HYDIN: variants seen among roughly 807,000 people sequenced by gnomAD.
HYDIN encodes the protein axonemal central pair apparatus protein HYDIN.
HYDIN carries 132 observed loss-of-function variants against 403.9 expected under a neutral mutation model. The ratio of observed to expected loss-of-function variants is 0.33; its 90% CI spans 0.28 to 0.38. The LOEUF (loss-of-function observed/expected upper bound fraction) is 0.38. Ranked by LOEUF, HYDIN falls within the 10% of genes least tolerant of loss-of-function variation. HYDIN has a pLI of 1.00. For synonymous variants in HYDIN, 1,202 were observed against 1,891.7 expected, an observed-to-expected ratio of 0.64 and a Z score of 9.46; for missense variants, 2,827 against 5,009.5, an observed-to-expected ratio of 0.56 and a Z score of 13.15.
chr16:71,202,872 C>T (rs1598020392), intron 1 of HYDIN, among the ~76,000 whole-genome samples: 1 of 152,146 alleles, frequency 6.6e-6, no homozygotes, highest in Non-Finnish European at 1.5e-5. Flanking sequence ...TGGTAAGAAC[C>T]CACTGCCCTC....
intron 18 of HYDIN, among the ~76,000 whole-genome samples, chr16:71,050,700 C>A (rs1209847892): frequency 6.6e-6 from 1 of 151,890 alleles, no homozygotes; most frequent in Non-Finnish European, 1.5e-5. Flanking sequence ...TAAGTTTCCT[C>A]CATGTTTTTT....
intron 47 of HYDIN, among the ~76,000 whole-genome samples, chr16:70,910,013 G>A (rs958804318): frequency 6.6e-6 from 1 of 152,090 alleles, no homozygotes; most frequent in Admixed American, 6.5e-5. Flanking sequence ...TTTATTTATA[G>A]ACATTTTTTC....
At chr16:71,152,414 G>C (rs1040333215) in intron 7 of HYDIN, among the ~76,000 whole-genome samples, 2 of 150,628 alleles carry the variant, frequency 1.3e-5, no homozygotes, top group Non-Finnish European at 3.0e-5. Context: ...TTAGTTACAT[G>C]AATAAGTTCT....
At chr16:71,066,627 A>G in intron 15 of HYDIN, 1 of 266,334 alleles carries the variant, frequency 3.8e-6, no homozygotes, top group South Asian at 4.0e-5. Flanking sequence ...GGATCACATC[A>G]TCATTAGTCG....
At chr16:71,158,006 C>G (rs1567387220) in intron 6 of HYDIN, among the ~76,000 whole-genome samples, 1 of 149,334 alleles carries the variant, frequency 6.7e-6, no homozygotes, top group Admixed American at 6.7e-5. Flanking sequence ...AGGGAAGAGG[C>G]TTCTTCCTTC....
chr16:70,833,097 G>A (rs1223724537), intron 79 of HYDIN, 30 bp from the exon 80 acceptor site: 3 of 1,580,186 alleles, frequency 1.9e-6, no homozygotes, highest in Non-Finnish European at 2.6e-6. Context: ...AAAAGAAAGA[G>A]AGTTTATGGA....
chr16:71,130,470 G>GTTTTTTT (rs56853905), intron 8 of HYDIN, among the ~76,000 whole-genome samples: 3 of 75,784 alleles, frequency 4.0e-5, no homozygotes, highest in Non-Finnish European at 5.2e-5. Flanking sequence ...ATATATACCG[G>GTTTTTTT]TTTTTTTTTT....
chr16:71,170,371 A>G (rs1409223608), intron 5 of HYDIN, among the ~76,000 whole-genome samples: 1 of 152,218 alleles, frequency 6.6e-6, no homozygotes, highest in Non-Finnish European at 1.5e-5. Flanking sequence ...AACATAACAG[A>G]CATTTTGTGC....
At chr16:71,133,500 T>C (rs1015182648) in intron 8 of HYDIN, among the ~76,000 whole-genome samples, 1 of 152,218 alleles carries the variant, frequency 6.6e-6, no homozygotes, top group African/African-American at 2.4e-5. Flanking sequence ...TTAAAACTGA[T>C]TTATCTAAGG....
At chr16:70,835,917 G>C in intron 77 of HYDIN, 83 bp from the exon 78 acceptor site, 2 of 661,872 alleles carry the variant, frequency 3.0e-6, no homozygotes, top group Non-Finnish European at 5.4e-6. Context: ...GGTGAGGCAA[G>C]GGTGGTTCCT....
At chr16:70,872,393 TCCA>T (rs2040169946) in intron 64 of HYDIN, among the ~76,000 whole-genome samples, 1 of 147,904 alleles carries the variant, frequency 6.8e-6, no homozygotes, top group African/African-American at 2.6e-5. Flanking sequence ...CATCCATCCA[TCCA>T]TCCATCCATC....
chr16:71,221,086 C>T (rs1454303704), intron 1 of HYDIN, among the ~76,000 whole-genome samples: 1 of 151,956 alleles, frequency 6.6e-6, no homozygotes, highest in Non-Finnish European at 1.5e-5. Context: ...GTAGGGCTTC[C>T]AGGAAAGGTC....
intron 12 of HYDIN, among the ~76,000 whole-genome samples, chr16:71,082,187 C>T (rs2082804556): frequency 6.6e-6 from 1 of 151,930 alleles, no homozygotes; most frequent in Admixed American, 6.6e-5. Context: ...GTATTTCTGA[C>T]AAAGTAAAAT....
intron 1 of HYDIN, among the ~76,000 whole-genome samples, chr16:71,192,366 C>T (rs1173380303): frequency 1.3e-5 from 2 of 152,184 alleles, no homozygotes; most frequent in South Asian, 2.1e-4. Flanking sequence ...CCATTCTCCA[C>T]GCTGCAGCCA....
intron 41 of HYDIN, among the ~76,000 whole-genome samples, chr16:70,944,450 A>G (rs533494339): frequency 0.025 from 3,747 of 152,092 alleles, no homozygotes; most frequent in African/African-American, 0.084. Context: ...GAGGATGCTC[A>G]TGTTACCCGG....
chr16:70,995,368 A>C (rs1381344608), intron 23 of HYDIN, among the ~76,000 whole-genome samples: 1 of 152,196 alleles, frequency 6.6e-6, no homozygotes, highest in Non-Finnish European at 1.5e-5. Context: ...CCGTATCAGA[A>C]TCATGGGAGA....
intron 83 of HYDIN, among the ~76,000 whole-genome samples, chr16:70,821,802 C>A (rs2036282955): frequency 6.6e-6 from 1 of 151,896 alleles, no homozygotes. Context: ...ATCTACTCTG[C>A]CTATGCTCTG....
chr16:71,065,879 T>C (rs1182371994), intron 15 of HYDIN, among the ~76,000 whole-genome samples: 1 of 152,162 alleles, frequency 6.6e-6, no homozygotes, highest in Non-Finnish European at 1.5e-5. Context: ...TAAGAGTCAG[T>C]GAGTAGTTCC....
chr16:70,933,532 C>T (rs2077413445), intron 45 of HYDIN: 1 of 151,628 alleles, frequency 6.6e-6, no homozygotes, highest in Admixed American at 6.6e-5. Flanking sequence ...TGGGCCTGCC[C>T]CCACCGCCTT....
Sources: allele counts gnomAD v4.1 joint callset (sites outside exome capture counted in the v4.1 genomes callset), GRCh38; gene constraint gnomAD v4.1.1; transcripts MANE v1.5; gene names NCBI Gene and HGNC (gene_info 2026-07-23, HGNC 2026-07-21).